Variants in NEK4 observed in about 807,000 individuals in gnomAD.
The protein encoded by NEK4 is NIMA related kinase 4.
NEK4 carries 86 observed loss-of-function variants against 98.4 expected under a neutral mutation model. That is an observed-to-expected ratio of 0.87 (90% CI 0.73 to 1.05). The LOEUF is 1.05. NEK4 is among the 50% of genes least tolerant of loss of function. The pLI is 0.00. For missense variants in NEK4, 898 were observed against 950.3 expected (o/e 0.94, Z 0.72); for synonymous variants, 328 against 342.2 (o/e 0.96, Z 0.46).
Position 52,752,184 on chromosome 3 carries a change from T to C in NEK4, c.1116A>G (p.Ala372=). 6.2e-7 allele frequency: 1 copy of C among 1,614,234 alleles called. No individual in the cohort carries two copies. The highest frequency in any genetic ancestry group is 8.5e-7 in the Non-Finnish European group (1 of 1,180,042). The change falls in exon 7 of 16, where the codon GCA becomes GCG. Residue 372 remains alanine (A), a synonymous_variant. Coordinates refer to ENST00000233027, the MANE Select transcript of NEK4 (RefSeq NM_003157.6). ...CATCACTCACTGAATCCCTCCCTTTTGCAGGTAAGATGTCAATATTTACGC... is the reference window on the plus strand; with the variant it reads ...CATCACTCACTGAATCCCTCCCTTTCGCAGGTAAGATGTCAATATTTACGC... ...ISSVNIDILP[A]KGRDSVSDGF...
At chr3:52,747,185 G>A (rs2097397625) in intron 8 of NEK4, 1 of 245,736 alleles carries the variant, frequency 4.1e-6, no homozygotes, top group Non-Finnish European at 7.9e-6. Flanking sequence ...GGCCAGGCAT[G>A]GTGGCTTGTG....
intron 15 of NEK4, among the ~76,000 whole-genome samples, chr3:52,729,172 A>G (rs910511255): frequency 4.6e-5 from 7 of 151,852 alleles, no homozygotes; most frequent in African/African-American, 1.7e-4. Context: ...CCCTTTTGAA[A>G]TCCTTAATAA....
chr3:52,730,001 G>A (rs771904733), intron 15 of NEK4, among the ~76,000 whole-genome samples: 6 of 152,062 alleles, frequency 3.9e-5, no homozygotes, highest in East Asian at 1.9e-4. Flanking sequence ...CCAGCTACTC[G>A]GGAGCCTGAG....
At chr3:52,732,172 A>G (rs952253513) in intron 15 of NEK4, among the ~76,000 whole-genome samples, 1 of 152,000 alleles carries the variant, frequency 6.6e-6, no homozygotes. Context: ...TGAGCCACCC[A>G]GCGCCCAGCC....
rs747231437 is a variant in NEK4, at chr3:52,710,393, G to C, written c.*1384C>G. 2 of 151,436 alleles carry C rather than the reference G, an allele frequency of 1.3e-5. No individual in the cohort carries two copies. The highest frequency in any genetic ancestry group is 2.9e-5 in the Non-Finnish European group (2 of 67,920). The allele number at this position is 151,436 out of a possible 1,614,324, so 9.4% of individuals were successfully genotyped here. On this transcript the variant is annotated 3_prime_UTR_variant, in exon 16 of 16. Transcript: ENST00000233027. The stretch of plus-strand genomic sequence containing the variant: ...AAAAAAAAAAAATTGTTAAGTGGCT[G>C]TAAAGGGAACATTTCATTAGAGTAT...
intron 6 of NEK4, among the ~76,000 whole-genome samples, chr3:52,754,917 C>A (rs1198953096): frequency 1.1e-4 from 16 of 151,320 alleles, no homozygotes; most frequent in Non-Finnish European, 2.1e-4. Flanking sequence ...ACTAAAAATG[C>A]AAAAAAATTA....
chr3:52,762,894 CA>C (rs1186245255), intron 5 of NEK4, among the ~76,000 whole-genome samples: 2 of 151,724 alleles, frequency 1.3e-5, no homozygotes, highest in South Asian at 4.2e-4. Flanking sequence ...AAAAAACAAA[CA>C]AAAAAAAGTA....
At chr3:52,749,050 G>A (rs549772228) in intron 8 of NEK4, among the ~76,000 whole-genome samples, 2 of 152,132 alleles carry the variant, frequency 1.3e-5, no homozygotes, top group South Asian at 2.1e-4. Context: ...TCACATCACT[G>A]CACTCCAGCC....
Position 52,752,131 on chromosome 3 carries a change from T to C in NEK4, c.1169A>G (p.Tyr390Cys). Residue 390 changes from tyrosine to cysteine, a missense_variant, in exon 7 of 16, where the codon TAT (tyrosine) becomes TGT (cysteine). Coordinates refer to ENST00000233027, the MANE Select transcript of NEK4 (RefSeq NM_003157.6). ...TCCTAACTCATTAGAGGCATCCAAATATCTTGGCTGATTCTCCTGAACAAA... is the reference window on the plus strand; with the variant it reads ...TCCTAACTCATTAGAGGCATCCAAACATCTTGGCTGATTCTCCTGAACAAA... Reference protein sequence around the residue: ...DGFVQENQPRYLDASNELGGI... With the variant: ...DGFVQENQPRCLDASNELGGI... 6.2e-7 allele frequency: 1 copy of C among 1,614,184 alleles called. No individual in the cohort carries two copies. Among genetic ancestry groups the C allele is most frequent in the East Asian group, 2.2e-5 (1 of 44,882 alleles).
intron 10 of NEK4, among the ~76,000 whole-genome samples, chr3:52,745,530 G>GA (rs1437432486): frequency 6.6e-6 from 1 of 151,180 alleles, no homozygotes; most frequent in Non-Finnish European, 1.5e-5. Flanking sequence ...AGTGAGCCAA[G>GA]ATTGTGCCAC....
In NEK4 at chr3:52,743,489, G is replaced by A. The variant is rs1438095024; in HGVS notation, c.1895-28C>T. On this transcript the variant is annotated intron_variant, in intron 11 of 15. Transcript: ENST00000233027. ...GAAAAGGCAAACATCCCCAGTAGTT[G>A]TTTGTGGTGGGCTGCCCCAGTTGAA... 2.6e-6 allele frequency: 4 copies of A among 1,564,962 alleles called. No individual in the cohort carries two copies. In the African/African-American group the frequency reaches 5.4e-5, roughly 21 times the overall value.
chr3:52,717,935 A>C (rs949242132), intron 15 of NEK4, among the ~76,000 whole-genome samples: 1 of 151,824 alleles, frequency 6.6e-6, no homozygotes, highest in Non-Finnish European at 1.5e-5. Flanking sequence ...CTGGGATTAC[A>C]GGCGTATGCC....
At position 52,711,669 on chromosome 3, in the gene NEK4, A is replaced by G; in HGVS notation, c.*108T>C. Reference sequence around the variant, plus strand: ...AACGCCAAAGAGATATAAAAAAGAGATATAAAACAGTGGTGAGTGGCTTCC... The same window carrying G: ...AACGCCAAAGAGATATAAAAAAGAGGTATAAAACAGTGGTGAGTGGCTTCC... On this transcript the variant is annotated 3_prime_UTR_variant, in exon 16 of 16. Coordinates refer to ENST00000233027, the MANE Select transcript of NEK4 (RefSeq NM_003157.6). 1.5e-6 allele frequency: 1 copy of G among 684,236 alleles called. No individual in the cohort carries two copies. Among genetic ancestry groups the G allele is most frequent in the South Asian group, 1.8e-5 (1 of 54,302 alleles). 42.4% of individuals were successfully genotyped at this position (684,236 alleles called of 1,614,324 possible).
chr3:52,747,133 T>C (rs1030597088), intron 8 of NEK4, among the ~76,000 whole-genome samples: 3 of 152,164 alleles, frequency 2.0e-5, no homozygotes, highest in East Asian at 3.8e-4. Flanking sequence ...GAATTGAATA[T>C]AGAGGTATAC....
In NEK4 at chr3:52,709,291, C is replaced by T. The variant is rs2097347956; in HGVS notation, c.*2486G>A. On this transcript the variant is annotated 3_prime_UTR_variant, in exon 16 of 16. Coordinates refer to ENST00000233027, the MANE Select transcript of NEK4 (RefSeq NM_003157.6). Reference sequence around the variant, plus strand: ...GTATATTCGGAAGAAAATTCACAGTCTTAAAGATGAGTTTTTAAATTAATT... The same window carrying T: ...GTATATTCGGAAGAAAATTCACAGTTTTAAAGATGAGTTTTTAAATTAATT... 1 of 151,812 alleles carries T rather than the reference C, an allele frequency of 6.6e-6. No individual in the cohort carries two copies. Among genetic ancestry groups the T allele is most frequent in the African/African-American group, 2.4e-5 (1 of 41,318 alleles). 9.4% of individuals were successfully genotyped at this position (151,812 alleles called of 1,614,324 possible). A position where few individuals can be genotyped will look rare whatever the true frequency, so the allele number is the denominator to read the frequency against.
chr3:52,741,236 CAAAAA>C (rs35123782), intron 13 of NEK4, among the ~76,000 whole-genome samples, 170 bp downstream of exon 13: 2 of 59,602 alleles, frequency 3.4e-5, no homozygotes, highest in African/African-American at 6.4e-5. Flanking sequence ...AACTCCGTCT[CAAAAA>C]AAAAAAAAAA....
intron 5 of NEK4, among the ~76,000 whole-genome samples, chr3:52,762,464 A>G (rs1698393877): frequency 6.6e-6 from 1 of 152,114 alleles, no homozygotes; most frequent in South Asian, 2.1e-4. Context: ...AATTTACACT[A>G]TATGTCTTAG....
Position 52,764,683 on chromosome 3 carries a change from T to C in NEK4, c.667-1059A>G, listed in dbSNP as rs75385412. 9.9e-5 allele frequency among the ~76,000 whole-genome samples: 15 copies of C among 151,798 alleles called. No individual in the cohort carries two copies. In the East Asian group the frequency reaches 2.9e-3, roughly 29 times the overall value. On this transcript the variant is annotated intron_variant, in intron 4 of 15. Coordinates refer to ENST00000233027, the MANE Select transcript of NEK4 (RefSeq NM_003157.6). ...CTTGGAAGGATGTGTTCCTCATATA[T>C]TAAGTCAAAAAAACAAGTTATGTAC...
At chr3:52,717,406 CAAA>C (rs34559317) in intron 15 of NEK4, among the ~76,000 whole-genome samples, 6 of 83,692 alleles carry the variant, frequency 7.2e-5, no homozygotes, top group African/African-American at 8.5e-5. Context: ...GACTCCATCT[CAAA>C]AAAAAAAAAA....
Sources: allele counts gnomAD v4.1 joint callset (sites outside exome capture counted in the v4.1 genomes callset), GRCh38; gene constraint gnomAD v4.1.1; transcripts MANE v1.5; gene names NCBI Gene and HGNC (gene_info 2026-07-23, HGNC 2026-07-21).